Variants in IL1RAPL1 observed in about 807,000 individuals in gnomAD.
IL1RAPL1 encodes the protein interleukin-1 receptor accessory protein-like 1.
IL1RAPL1 carries 3 observed loss-of-function variants against 48.4 expected under a neutral mutation model. The observed-to-expected ratio is 0.06, with a 90% CI of 0.03 to 0.16. The LOEUF is 0.16. Among genes scored for constraint, IL1RAPL1 ranks in the 10% least tolerant of loss-of-function variants. The pLI is 1.00. For synonymous variants in IL1RAPL1, 185 were observed against 187.7 expected (o/e 0.99, Z 0.12); for missense variants, 349 against 530.6 (o/e 0.66, Z 3.36).
chrX:29,650,983 C>G (rs1174130069), intron 5 of IL1RAPL1, among the ~76,000 whole-genome samples: 1 of 110,151 alleles, frequency 9.1e-6, no homozygotes, highest in Admixed American at 9.7e-5. Context: ...AGACATTTCT[C>G]AAAAGAAAAC....
intron 5 of IL1RAPL1, among the ~76,000 whole-genome samples, chrX:29,457,579 A>G (rs983658313): frequency 1.8e-5 from 2 of 111,846 alleles, no homozygotes; most frequent in African/African-American, 6.5e-5. Context: ...TATTTGATCC[A>G]CCACTGATGG....
chrX:29,168,525 T>G (rs2147510941), intron 2 of IL1RAPL1, among the ~76,000 whole-genome samples: 1 of 93,531 alleles, frequency 1.1e-5, no homozygotes, highest in South Asian at 5.2e-4. Flanking sequence ...CAAGATTTCA[T>G]TCTGTTTTAT....
At chrX:28,980,668 A>C (rs764473433) in intron 2 of IL1RAPL1, among the ~76,000 whole-genome samples, 17 of 111,351 alleles carry the variant, frequency 1.5e-4, no homozygotes, top group African/African-American at 5.2e-4. Context: ...GTTGAGGACA[A>C]ATGCATATAT....
At chrX:29,686,117 A>G (rs1363371688) in intron 6 of IL1RAPL1, among the ~76,000 whole-genome samples, 1 of 112,111 alleles carries the variant, frequency 8.9e-6, no homozygotes, top group Non-Finnish European at 1.9e-5. Flanking sequence ...AAAATAAGAG[A>G]GAAACTGACT....
chrX:29,393,127 C>A (rs995288021), intron 3 of IL1RAPL1, among the ~76,000 whole-genome samples: 1 of 107,577 alleles, frequency 9.3e-6, no homozygotes, highest in East Asian at 2.9e-4. Context: ...GTAACTTTCC[C>A]TAGTTTTCTG....
intron 1 of IL1RAPL1, among the ~76,000 whole-genome samples, chrX:28,788,511 G>T (rs1936496952): frequency 9.1e-6 from 1 of 110,481 alleles, no homozygotes; most frequent in Non-Finnish European, 1.9e-5. Flanking sequence ...TTGTTGCTTA[G>T]GCTGTAGTAC....
intron 6 of IL1RAPL1, among the ~76,000 whole-genome samples, chrX:29,805,913 G>T (rs1930244203): frequency 9.3e-6 from 1 of 107,679 alleles, no homozygotes; most frequent in South Asian, 4.0e-4. Flanking sequence ...TATAAGTAAG[G>T]AAGAAATGTT....
chrX:29,164,891 A>T (rs1267032334), intron 2 of IL1RAPL1, among the ~76,000 whole-genome samples: 6 of 111,772 alleles, frequency 5.4e-5, no homozygotes, highest in African/African-American at 2.0e-4. Flanking sequence ...ATCCTCTGTA[A>T]TATAATGTGG....
At chrX:28,717,655 A>G (rs1049632938) in intron 1 of IL1RAPL1, among the ~76,000 whole-genome samples, 1 of 111,807 alleles carries the variant, frequency 8.9e-6, no homozygotes, top group Admixed American at 9.5e-5. Context: ...AAAATAAAAG[A>G]ATAAAAAAAA....
chrX:29,106,185 A>G (rs1321181671), intron 2 of IL1RAPL1, among the ~76,000 whole-genome samples: 1 of 111,858 alleles, frequency 8.9e-6, no homozygotes, highest in Non-Finnish European at 1.9e-5. Flanking sequence ...ATAGAGATCA[A>G]GAAAATTTAG....
chrX:28,783,759 A>G (rs1287078729), intron 1 of IL1RAPL1, among the ~76,000 whole-genome samples: 1 of 111,565 alleles, frequency 9.0e-6, no homozygotes, highest in Admixed American at 9.6e-5. Flanking sequence ...TACCTTAGTC[A>G]TTAATGAACT....
chrX:28,615,209 T>TTTTTTG (rs1934202306), intron 1 of IL1RAPL1, among the ~76,000 whole-genome samples: 1 of 53,526 alleles, frequency 1.9e-5, no homozygotes, highest in African/African-American at 6.0e-5. Flanking sequence ...GTTTTTTTTT[T>TTTTTTG]TTTTTTTTTT....
intron 2 of IL1RAPL1, among the ~76,000 whole-genome samples, chrX:28,956,170 G>A (rs1328364824): frequency 0.011 from 1,160 of 107,659 alleles, 23 homozygotes; most frequent in African/African-American, 0.036. Flanking sequence ...GGCTGAGACA[G>A]TGGGGTTTTC....
rs143826510 is a variant in IL1RAPL1 at position 29,591,834 on chromosome X, C to T, written c.704-76596C>T. Among the ~76,000 whole-genome samples, 636 of 112,634 alleles carry T rather than the reference C, an allele frequency of 5.6e-3. 8 individuals carry two copies. The highest frequency in any genetic ancestry group is 9.3e-3 in the Middle Eastern group (2 of 216). On this transcript the variant is annotated intron_variant, in intron 5 of 10. Coordinates refer to ENST00000378993, the MANE Select transcript of IL1RAPL1 (RefSeq NM_014271.4). ...GGATTCTTATTACTGCCATTTCACA[C>T]AGGAAGAAACCTGCTCACAGGGAGT...
At chrX:29,145,946 C>T (rs1439461137) in intron 2 of IL1RAPL1, among the ~76,000 whole-genome samples, 1 of 111,792 alleles carries the variant, frequency 8.9e-6, no homozygotes, top group East Asian at 2.8e-4. Context: ...TGCAAGAGCA[C>T]CCTAACTGAC....
At chrX:29,083,908 A>G (rs1927896399) in intron 2 of IL1RAPL1, among the ~76,000 whole-genome samples, 1 of 111,426 alleles carries the variant, frequency 9.0e-6, no homozygotes, top group Non-Finnish European at 1.9e-5. Context: ...CATTCCAGGT[A>G]GTGTTTGTGT....
chrX:29,366,553 ATTTTTTTTTTTT>A (rs34164964), intron 3 of IL1RAPL1, among the ~76,000 whole-genome samples: 8 of 37,256 alleles, frequency 2.1e-4, no homozygotes, highest in Admixed American at 4.5e-4. Flanking sequence ...TGATAGGTCA[ATTTTTTTTTTTT>A]TTTTTTTTTT....
At chrX:29,906,465 ATATATATATATATATATATATATATAT>A (rs1403844217) in intron 6 of IL1RAPL1, among the ~76,000 whole-genome samples, 6 of 377 alleles carry the variant, frequency 0.016, no homozygotes, top group African/African-American at 0.071. Flanking sequence ...TTGTAAATAT[ATATATATATATATATATATATATATAT>A]ATATATATAT....
chrX:29,421,082 A>G (rs1372717625), intron 5 of IL1RAPL1, among the ~76,000 whole-genome samples: 1 of 112,139 alleles, frequency 8.9e-6, no homozygotes, highest in African/African-American at 3.2e-5. Context: ...AAAAGCTTCA[A>G]AAAGATTCAC....
Sources: gnomAD v4.1 joint callset for allele counts (sites outside exome capture counted in the v4.1 genomes callset) on GRCh38, gnomAD v4.1.1 for gene constraint, MANE v1.5 for transcripts, NCBI Gene and HGNC (gene_info 2026-07-23, HGNC 2026-07-21) for gene names.